Variants in ACOT11 observed in about 807,000 individuals in gnomAD.
ACOT11 encodes acyl-CoA thioesterase 11, also known as acyl-coenzyme A thioesterase 11.
In ACOT11, 69 loss-of-function variants were observed where a neutral mutation model predicts 77.5. The observed-to-expected ratio is 0.89, with a 90% confidence interval of 0.73 to 1.09. The LOEUF is 1.09. Among genes scored for constraint, ACOT11 ranks in the 50% least tolerant of loss-of-function variants. The pLI is 0.00. For synonymous variants in ACOT11, 279 were observed against 313.0 expected, an observed-to-expected ratio of 0.89 and a Z score of 1.15; for missense variants, 766 against 813.7, an observed-to-expected ratio of 0.94 and a Z score of 0.71.
At chr1:54,634,112 A>C (rs1427133031) in intron 16 of ACOT11, among the ~76,000 whole-genome samples, 1 of 152,236 alleles carries the variant, frequency 6.6e-6, no homozygotes, top group East Asian at 1.9e-4. Flanking sequence ...TCCTGGAAAA[A>C]TTACTGTCCC....
At chr1:54,554,339 A>G (rs1362504521) in intron 1 of ACOT11, among the ~76,000 whole-genome samples, 137 of 89,004 alleles carry the variant, frequency 1.5e-3, no homozygotes, top group African/African-American at 4.5e-3. Flanking sequence ...GTGTGTATAT[A>G]TATATATATA....
intron 3 of ACOT11, among the ~76,000 whole-genome samples, chr1:54,588,425 T>C (rs1654582491): frequency 6.6e-6 from 1 of 152,168 alleles, no homozygotes; most frequent in African/African-American, 2.4e-5. Flanking sequence ...ATTTTACAGA[T>C]GAGGAAACTG....
intron 1 of ACOT11, among the ~76,000 whole-genome samples, chr1:54,567,257 T>G (rs1390510517): frequency 6.6e-6 from 1 of 151,090 alleles, no homozygotes; most frequent in African/African-American, 2.4e-5. Flanking sequence ...TCCTCCTTTC[T>G]TATTTATTTA....
In ACOT11 at chr1:54,628,739, A is replaced by G. The variant is rs146286424; in HGVS notation, c.1630-1995A>G. 5.3e-3 allele frequency among the ~76,000 whole-genome samples: 711 copies of G among 133,566 alleles called. 72 individuals carry two copies. The highest frequency in any genetic ancestry group is 0.017 in the African/African-American group (673 of 39,368). The allele number at this position is 133,566 out of a possible 152,430, so 87.6% of individuals were successfully genotyped here. The stretch of plus-strand genomic sequence containing the variant: ...ATGTCGGTAGTGCCCCAAGATAACT[A>G]CTACAAGCAAAAACATGTTTTATTA... On this transcript the variant is annotated intron_variant, in intron 15 of 16. Coordinates refer to the ACOT11 transcript ENST00000371316.
chr1:54,567,484 G>A (rs952486971), intron 1 of ACOT11, among the ~76,000 whole-genome samples: 4 of 151,922 alleles, frequency 2.6e-5, no homozygotes, highest in Non-Finnish European at 4.4e-5. Context: ...TCACCATGTT[G>A]GCCAGGCTGG....
downstream of ACOT11, chr1:54,612,352 C>T: frequency 4.7e-6 from 3 of 636,152 alleles, no homozygotes; most frequent in South Asian, 5.7e-5. Context: ...AAAGCAGGGA[C>T]TCTGCAGAGG....
At chr1:54,602,266 A>G (rs1643973841) in intron 9 of ACOT11, among the ~76,000 whole-genome samples, 1 of 152,192 alleles carries the variant, frequency 6.6e-6, no homozygotes, top group African/African-American at 2.4e-5. Flanking sequence ...CCTCTGTAGA[A>G]TGGATACAGC....
intron 1 of ACOT11, among the ~76,000 whole-genome samples, chr1:54,561,091 A>AT (rs952566582): frequency 2.9e-5 from 4 of 136,256 alleles, no homozygotes; most frequent in Admixed American, 2.2e-4. Context: ...TATTTTTTTT[A>AT]TTTTTTTTTA....
chr1:54,630,519 T>G (rs1003138654), intron 15 of ACOT11, among the ~76,000 whole-genome samples: 1 of 152,222 alleles, frequency 6.6e-6, no homozygotes, highest in Non-Finnish European at 1.5e-5. Flanking sequence ...TAAGGGCGTG[T>G]TCCTGCTGCA....
At chr1:54,591,945 T>C (rs1654726999) in intron 3 of ACOT11, among the ~76,000 whole-genome samples, 1 of 152,232 alleles carries the variant, frequency 6.6e-6, no homozygotes, top group Non-Finnish European at 1.5e-5. Flanking sequence ...CTTTAAACAT[T>C]TCCTTTTCTC....
intron 1 of ACOT11, among the ~76,000 whole-genome samples, chr1:54,566,255 G>A (rs552607617): frequency 6.6e-6 from 1 of 152,210 alleles, no homozygotes; most frequent in East Asian, 1.9e-4. Flanking sequence ...TCAGGAGTTC[G>A]AGAGCAGCCT....
chr1:54,564,197 G>A (rs1000784200), intron 1 of ACOT11, among the ~76,000 whole-genome samples: 4 of 152,116 alleles, frequency 2.6e-5, no homozygotes, highest in East Asian at 3.9e-4. Context: ...CCATGATGGC[G>A]CCACTGCACT....
chr1:54,603,097 G>C (rs997153850), intron 10 of ACOT11, among the ~76,000 whole-genome samples: 6 of 152,228 alleles, frequency 3.9e-5, no homozygotes, highest in African/African-American at 1.4e-4. Flanking sequence ...GCCACTTTGG[G>C]AGGCCGAGGC....
intron 1 of ACOT11, among the ~76,000 whole-genome samples, chr1:54,556,639 T>C: frequency 6.6e-6 from 1 of 152,100 alleles, no homozygotes. Context: ...TGGAGTGCAG[T>C]GGCATGATCT....
At chr1:54,634,801 G>A (rs567844633) in exon 17 of ACOT11, 22 of 689,880 alleles carry the variant, frequency 3.2e-5, no homozygotes, top group South Asian at 2.0e-4. Flanking sequence ...TTGCAGCCAC[G>A]TAGAGACTGA....
intron 1 of ACOT11, among the ~76,000 whole-genome samples, chr1:54,576,269 G>T (rs923436064): frequency 3.3e-5 from 5 of 152,082 alleles, no homozygotes; most frequent in East Asian, 1.9e-4. Context: ...AGTGGCTCAC[G>T]CCTATAATCC....
intron 1 of ACOT11, among the ~76,000 whole-genome samples, chr1:54,556,243 T>A (rs1237587713): frequency 6.6e-6 from 1 of 152,226 alleles, no homozygotes; most frequent in Non-Finnish European, 1.5e-5. Context: ...GGTCTATATG[T>A]CTGTCTGTTT....
At chr1:54,611,672 T>A (rs946785695), downstream of ACOT11, 2 of 1,614,002 alleles carry the variant, frequency 1.2e-6, no homozygotes. Context: ...TGGACAGCAG[T>A]GTTATCCCGG....
chr1:54,569,203 C>T (rs1653849740), intron 1 of ACOT11, among the ~76,000 whole-genome samples: 1 of 151,600 alleles, frequency 6.6e-6, no homozygotes, highest in Non-Finnish European at 1.5e-5. Context: ...TTCAAGCAAT[C>T]CTCCTGCCTC....
Sources: gnomAD v4.1 joint callset for allele counts (sites outside exome capture counted in the v4.1 genomes callset) on GRCh38, gnomAD v4.1.1 for gene constraint, MANE v1.5 for transcripts, NCBI Gene and HGNC (gene_info 2026-07-23, HGNC 2026-07-21) for gene names.